Variants in GAPVD1 observed in about 807,000 individuals in gnomAD.
GAPVD1 encodes the protein GTPase-activating protein and VPS9 domain-containing protein 1.
Under a neutral mutation model 155.5 loss-of-function variants are expected in GAPVD1, and 35 were observed. The ratio of observed to expected loss-of-function variants is 0.23; its 90% CI spans 0.17 to 0.30. The LOEUF (loss-of-function observed/expected upper bound fraction) is 0.30. Ranked by LOEUF, GAPVD1 falls within the 10% of genes least tolerant of loss-of-function variation. GAPVD1 has a pLI of 1.00. For missense variants in GAPVD1, 1,429 were observed against 1,775.7 expected (o/e 0.80, Z 3.51); for synonymous variants, 636 against 619.7 (o/e 1.03, Z -0.39).
In GAPVD1 at chr9:125,263,514, T is replaced by G. The variant is rs899065499; in HGVS notation, c.-199+1555T>G. On this transcript the variant is annotated intron_variant, in intron 1 of 27. Transcript: ENST00000297933. ...AGGTTTTTTGGATTTATAAGTCTAC[T>G]TAGAAGAACTGTTGTTTTTTTTTTT... The G allele has an allele frequency of 8.8e-6, 7 of 794,520 alleles. No homozygotes were observed. The East Asian group carries it at 1.7e-4, about 20-fold the overall frequency. The allele number at this position is 794,520 out of a possible 1,614,324, so 49.2% of individuals were successfully genotyped here.
chr9:125,312,437 G>A lies in GAPVD1; in HGVS notation c.1442-15G>A. On this transcript the variant is annotated splice_polypyrimidine_tract_variant and intron_variant, in intron 8 of 27. Coordinates refer to ENST00000297933, the MANE Select transcript of GAPVD1 (RefSeq NM_001282680.3). ...TCTATTTCTCTAAATTATTTTATTT[G>A]AAATTTTTTATTAGCAACTCGGAGC... is the stretch of plus-strand genomic sequence containing the variant. 6.6e-7 allele frequency: 1 copy of A among 1,523,116 alleles called. No homozygotes were observed. The highest frequency in any genetic ancestry group is 2.4e-5 in the East Asian group (1 of 41,228). The allele number at this position is 1,523,116 out of a possible 1,614,324, so 94.4% of individuals were successfully genotyped here.
chr9:125,305,657 C>T (rs1239628289), intron 6 of GAPVD1, among the ~76,000 whole-genome samples: 4 of 152,070 alleles, frequency 2.6e-5, no homozygotes, highest in Non-Finnish European at 5.9e-5. Context: ...GCGTGAGCCA[C>T]CGCGCCTGGC....
At position 125,302,766 on chromosome 9, in the gene GAPVD1, A is replaced by G. The variant is rs764914655; in HGVS notation, c.969A>G (p.Glu323=). 10 of 1,613,386 alleles carry G rather than the reference A, an allele frequency of 6.2e-6. No homozygotes were observed. The Admixed American group carries it at 1.2e-4, about 19-fold the overall frequency. The change falls in exon 5 of 28, where the codon GAA becomes GAG. Residue 323 remains glutamate (E), a synonymous_variant. Transcript: ENST00000297933. ...CFICPAVVNP[E]QYGIISDAPI... The stretch of plus-strand genomic sequence containing the variant: ...TTTGTCCTGCAGTTGTCAATCCAGA[A>G]CAATATGGAATAATTTCCGATGCTC...
intron 10 of GAPVD1, among the ~76,000 whole-genome samples, chr9:125,322,192 A>G (rs1197384746): frequency 2.0e-5 from 3 of 151,600 alleles, no homozygotes; most frequent in Admixed American, 2.0e-4. Context: ...AGCCTCCTGC[A>G]TAGTTGGGAC....
At chr9:125,350,585 G>A (rs1032553823) in intron 22 of GAPVD1, 128 bp from the exon 23 acceptor site, 3 of 683,744 alleles carry the variant, frequency 4.4e-6, no homozygotes, top group Admixed American at 5.5e-5. Flanking sequence ...TTTCTAATTG[G>A]GAGTGGCAAT....
rs1851117303 is a variant in GAPVD1, at chr9:125,362,685, A to G, written c.4322A>G (p.Tyr1441Cys). Residue 1441 changes from tyrosine (Y) to cysteine (C), a missense_variant, in exon 28 of 28, where the codon TAT (tyrosine) becomes TGT (cysteine). Tyr to Cys is a radical substitution (Grantham distance 194). Transcript: ENST00000297933. ...AGCTGTCTGTCTGGAGAGGAGTCCT[A>G]TTGGTGGATGCAGTTCACAGCAGCA... is the stretch of plus-strand genomic sequence containing the variant. ...YASCLSGEES[Y>C]WWMQFTAAVE... The G allele has an allele frequency of 6.2e-7, 1 of 1,613,734 alleles. No individual in the cohort carries two copies.
intron 19 of GAPVD1, among the ~76,000 whole-genome samples, chr9:125,345,293 G>C (rs919932232): frequency 6.6e-6 from 1 of 151,128 alleles, no homozygotes; most frequent in Admixed American, 6.6e-5. Flanking sequence ...TGATTCTTCT[G>C]CCTCAGCCTC....
chr9:125,361,647 G>A (rs754245540), intron 27 of GAPVD1, among the ~76,000 whole-genome samples: 6 of 152,048 alleles, frequency 3.9e-5, no homozygotes, highest in Non-Finnish European at 8.8e-5. Context: ...GGAATTCCTT[G>A]CAGTACTTGT....
At chr9:125,352,232 C>T (rs1849392778) in intron 23 of GAPVD1, among the ~76,000 whole-genome samples, 1 of 152,218 alleles carries the variant, frequency 6.6e-6, no homozygotes, top group Non-Finnish European at 1.5e-5. Context: ...GGCAGTGCCC[C>T]AGTAGGGACT....
At chr9:125,328,081 G>A (rs1166161456) in intron 12 of GAPVD1, among the ~76,000 whole-genome samples, 1 of 150,904 alleles carries the variant, frequency 6.6e-6, no homozygotes, top group African/African-American at 2.4e-5. Flanking sequence ...CTTTTATTAG[G>A]TTTAATCCAA....
intron 15 of GAPVD1, among the ~76,000 whole-genome samples, chr9:125,335,762 A>G (rs907452442): frequency 2.6e-5 from 4 of 152,202 alleles, no homozygotes; most frequent in African/African-American, 9.7e-5. Context: ...ATTTAAATGA[A>G]TTAATAAATA....
At chr9:125,273,611 G>C (rs1011539333) in intron 2 of GAPVD1, among the ~76,000 whole-genome samples, 1 of 151,876 alleles carries the variant, frequency 6.6e-6, no homozygotes, top group African/African-American at 2.4e-5. Flanking sequence ...ACAGGTCCAG[G>C]GCAGAGGACC....
At chr9:125,328,749 G>A (rs1469221417) in intron 12 of GAPVD1, among the ~76,000 whole-genome samples, 1 of 151,810 alleles carries the variant, frequency 6.6e-6, no homozygotes, top group Non-Finnish European at 1.5e-5. Flanking sequence ...GCCGGGCAGA[G>A]GGGCTCCTCA....
chr9:125,313,289 TTTTTTCTTTTTC>T (rs890942691), intron 9 of GAPVD1, among the ~76,000 whole-genome samples: 1 of 151,712 alleles, frequency 6.6e-6, no homozygotes, highest in African/African-American at 2.4e-5. Flanking sequence ...ATGAATTTTT[TTTTTTCTTTTTC>T]TTTTTCTTTT....
At chr9:125,264,274 G>A (rs1296844964) in intron 1 of GAPVD1, among the ~76,000 whole-genome samples, 3 of 151,878 alleles carry the variant, frequency 2.0e-5, no homozygotes, top group East Asian at 1.9e-4. Flanking sequence ...CGCTCACTGC[G>A]ACCTCAGCTT....
At chr9:125,287,431 T>C (rs1242703556) in intron 2 of GAPVD1, among the ~76,000 whole-genome samples, 1 of 151,860 alleles carries the variant, frequency 6.6e-6, no homozygotes, top group Non-Finnish European at 1.5e-5. Context: ...GGAGGATTGC[T>C]TGAGCTGGGG....
chr9:125,317,039 G>A (rs777580810), intron 9 of GAPVD1, among the ~76,000 whole-genome samples: 7 of 152,100 alleles, frequency 4.6e-5, no homozygotes, highest in Non-Finnish European at 8.8e-5. Flanking sequence ...TCCTTGATGG[G>A]CCAGGCGCAG....
intron 12 of GAPVD1, among the ~76,000 whole-genome samples, chr9:125,327,745 C>T (rs1392061810): frequency 6.6e-6 from 1 of 152,162 alleles, no homozygotes; most frequent in Non-Finnish European, 1.5e-5. Context: ...CTCAAGTGAT[C>T]CATCCGCCTC....
chr9:125,352,067 C>T lies in GAPVD1; in HGVS notation c.3569+1195C>T, dbSNP rs148610245. On this transcript the variant is annotated intron_variant, in intron 23 of 27. Transcript: ENST00000297933. ...GGGTTCCCATGGTCTTAGGCAGCTCCGCTCCTGTGGCTTTGCAGGGTATAG... is the reference window on the plus strand; with the variant it reads ...GGGTTCCCATGGTCTTAGGCAGCTCTGCTCCTGTGGCTTTGCAGGGTATAG... 3.3e-3 allele frequency among the ~76,000 whole-genome samples: 509 copies of T among 152,278 alleles called. 6 individuals are homozygous for T. Among genetic ancestry groups the T allele is most frequent in the Admixed American group, 0.02 (310 of 15,292 alleles).
Sources: gnomAD v4.1 joint callset for allele counts (sites outside exome capture counted in the v4.1 genomes callset) on GRCh38, gnomAD v4.1.1 for gene constraint, MANE v1.5 for transcripts, NCBI Gene and HGNC (gene_info 2026-07-23, HGNC 2026-07-21) for gene names.